Variants in PNPLA5 observed in about 807,000 individuals in gnomAD.
PNPLA5 encodes patatin like domain 5, triacylglycerol lipase, also known as patatin-like phospholipase domain-containing protein 5.
PNPLA5 carries 44 observed loss-of-function variants against 49.1 expected under a neutral mutation model. The ratio of observed to expected loss-of-function variants is 0.90; its 90% confidence interval spans 0.70 to 1.15. PNPLA5 has a LOEUF of 1.15. PNPLA5 is among the 50% of genes most tolerant of loss of function. The pLI is 0.00. For missense variants in PNPLA5, 603 were observed against 564.0 expected (o/e 1.07, Z -0.70); for synonymous variants, 243 against 244.4 (o/e 0.99, Z 0.06).
intron 8 of PNPLA5, 191 bp from the exon 9 acceptor site, chr22:43,881,076 AG>A: frequency 1.3e-6 from 1 of 785,802 alleles, no homozygotes; most frequent in African/African-American, 1.9e-5. Context: ...GCCACTCCCC[AG>A]AGAACTGCAC....
chr22:43,889,751 C>A, intron 3 of PNPLA5, 48 bp downstream of exon 3: 2 of 1,589,446 alleles, frequency 1.3e-6, no homozygotes, highest in Non-Finnish European at 1.7e-6. Context: ...CCACGGTGTG[C>A]ACCCCAGGCT....
At chr22:43,882,580 T>G (rs2049621507) in intron 7 of PNPLA5, among the ~76,000 whole-genome samples, 2 of 152,258 alleles carry the variant, frequency 1.3e-5, no homozygotes, top group South Asian at 4.1e-4. Flanking sequence ...ATATGTATTG[T>G]GAAATATGCC....
At chr22:43,887,548 C>A (rs2049678249) in intron 5 of PNPLA5, 43 bp downstream of exon 5, 41 of 1,596,374 alleles carry the variant, frequency 2.6e-5, no homozygotes, top group Non-Finnish European at 3.5e-5. Context: ...TACCTGGCAC[C>A]ATGTGGGACA....
At chr22:43,882,940 C>T (rs1473844502) in intron 7 of PNPLA5, among the ~76,000 whole-genome samples, 1 of 152,202 alleles carries the variant, frequency 6.6e-6, no homozygotes, top group East Asian at 1.9e-4. Flanking sequence ...ACTCTCCAGA[C>T]AAAGACCACG....
intron 3 of PNPLA5, 35 bp from the exon 4 acceptor site, chr22:43,889,573 C>T (rs368381492): frequency 1.3e-5 from 21 of 1,569,092 alleles, no homozygotes; most frequent in Non-Finnish European, 1.7e-5. Context: ...GTGGTGCTGC[C>T]CTCTCAGAGG....
rs201451442 is a variant in PNPLA5 at position 43,886,297 on chromosome 22, C to A, written c.949+6G>T. The A allele has an allele frequency of 7.1e-4, 1,136 of 1,609,490 alleles. 6 individuals carry two copies. Among genetic ancestry groups the A allele is most frequent in the Admixed American group, 4.2e-4 (25 of 59,746 alleles). On this transcript the variant is annotated splice_donor_region_variant and intron_variant, in intron 6 of 8. Coordinates refer to ENST00000216177, the MANE Select transcript of PNPLA5 (RefSeq NM_138814.4). The stretch of plus-strand genomic sequence containing the variant: ...GTAGGTGAGCAAATGCAGGTAGAGT[C>A]CCTACCAGCCTCCAGCTCTGGTGAG...
At chr22:43,881,704 A>C in intron 7 of PNPLA5, 30 bp from the exon 8 acceptor site, 1 of 1,608,912 alleles carries the variant, frequency 6.2e-7, no homozygotes, top group Non-Finnish European at 8.5e-7. Flanking sequence ...AGCTTTGCCC[A>C]GGTGAGCCTG....
rs1174784924 is a variant in PNPLA5 at position 43,891,677 on chromosome 22, C to T, written c.193+11G>A. 2 of 1,543,418 alleles carry T rather than the reference C, an allele frequency of 1.3e-6. No homozygotes were observed. The highest frequency in any genetic ancestry group is 2.4e-5 in the South Asian group (2 of 83,234). On this transcript the variant is annotated intron_variant, in intron 1 of 8. Coordinates refer to ENST00000216177, the MANE Select transcript of PNPLA5 (RefSeq NM_138814.4). ...CCCCGCCCCTTTTCGCCCCCGCGGT[C>T]CGGGACTCACCGACCGACTTGCCGC...
chr22:43,881,354 T>C (rs1468807321), intron 8 of PNPLA5, among the ~76,000 whole-genome samples: 1 of 152,176 alleles, frequency 6.6e-6, no homozygotes, highest in East Asian at 1.9e-4. Context: ...CCAAGGTGAC[T>C]GTCATAGAGC....
intron 7 of PNPLA5, among the ~76,000 whole-genome samples, chr22:43,883,817 AAAAAG>A (rs1222076517): frequency 8.4e-5 from 12 of 142,166 alleles, no homozygotes; most frequent in East Asian, 2.5e-4. Context: ...TCAGAAAAAA[AAAAAG>A]AAAAGAAAAG....
chr22:43,891,661 T>C (rs1247725878), intron 1 of PNPLA5, 27 bp downstream of exon 1: 2 of 1,523,806 alleles, frequency 1.3e-6, no homozygotes, highest in South Asian at 1.2e-5. Context: ...TCCCCGCCCC[T>C]TTTCGCCCCC....
At chr22:43,887,147 C>G (rs2049673591) in intron 5 of PNPLA5, among the ~76,000 whole-genome samples, 1 of 152,166 alleles carries the variant, frequency 6.6e-6, no homozygotes, top group South Asian at 2.1e-4. Flanking sequence ...TGTCCCTTCT[C>G]TCTTGTTTTT....
intron 6 of PNPLA5, 192 bp from the exon 7 acceptor site, chr22:43,884,537 T>A: frequency 2.6e-6 from 1 of 379,810 alleles, no homozygotes; most frequent in Non-Finnish European, 3.6e-6. Flanking sequence ...ACAAGGGGTG[T>A]ATGCCCTCTC....
At chr22:43,881,821 C>T (rs1316620574) in intron 7 of PNPLA5, 147 bp from the exon 8 acceptor site, 14 of 1,417,708 alleles carry the variant, frequency 9.9e-6, no homozygotes, top group African/African-American at 1.4e-5. Flanking sequence ...CAGCGTTGGC[C>T]ACTGTTGCAG....
intron 7 of PNPLA5, 81 bp downstream of exon 7, chr22:43,884,132 T>G: frequency 3.9e-6 from 4 of 1,030,032 alleles, no homozygotes; most frequent in South Asian, 1.8e-5. Flanking sequence ...ACCCACCCAG[T>G]GTGCCAGCCG....
Position 43,891,984 on chromosome 22 carries a change from T to G in PNPLA5, c.-104A>C, listed in dbSNP as rs556969262. On this transcript the variant is annotated 5_prime_UTR_variant, in exon 1 of 9. Transcript: ENST00000216177. Reference sequence around the variant, plus strand: ...GACGGGGCTGGGCCCAAATGTGGGCTCTGGAGGGAGCCGGGCTGGGGCTGG... The same window carrying G: ...GACGGGGCTGGGCCCAAATGTGGGCGCTGGAGGGAGCCGGGCTGGGGCTGG... 206 of 1,202,818 alleles carry G rather than the reference T, an allele frequency of 1.7e-4. No homozygotes were observed. Among genetic ancestry groups the G allele is most frequent in the Non-Finnish European group, 2.2e-4 (199 of 890,972 alleles). 74.5% of individuals were successfully genotyped at this position (1,202,818 alleles called of 1,614,324 possible). A position where few individuals can be genotyped will look rare whatever the true frequency, so the allele number is the denominator to read the frequency against.
intron 6 of PNPLA5, 51 bp downstream of exon 6, chr22:43,886,252 C>T (rs977359885): frequency 1.3e-6 from 2 of 1,549,944 alleles, no homozygotes; most frequent in Non-Finnish European, 1.7e-6. Flanking sequence ...TGAGCCCGGG[C>T]CCCTGAGTGC....
intron 3 of PNPLA5, 63 bp downstream of exon 3, chr22:43,889,736 C>T (rs2049703269): frequency 6.4e-7 from 1 of 1,568,976 alleles, no homozygotes; most frequent in Non-Finnish European, 8.6e-7. Context: ...CACCCAAGCA[C>T]CTCTCCACGG....
chr22:43,889,423 T>C lies in PNPLA5; in HGVS notation c.608A>G (p.Asn203Ser). 1.2e-6 allele frequency: 2 copies of C among 1,613,878 alleles called. No homozygotes were observed. Among genetic ancestry groups the C allele is most frequent in the Non-Finnish European group, 1.7e-6 (2 of 1,179,948 alleles). Residue 203 changes from asparagine to serine, a missense_variant, in exon 4 of 9, where the codon AAC (asparagine) becomes AGC (serine). Transcript: ENST00000216177. ...VDICPQSTSP[N>S]LHELNVFNFS... is the part of the protein sequence containing the mutation. The stretch of plus-strand genomic sequence containing the variant: ...GTTGAAGACGTTCAGCTCATGCAGG[T>C]TGGGGGAGGTGCTCTGGGGGCAGAT...
Sources: allele counts gnomAD v4.1 joint callset (sites outside exome capture counted in the v4.1 genomes callset), GRCh38; gene constraint gnomAD v4.1.1; transcripts MANE v1.5; gene names NCBI Gene and HGNC (gene_info 2026-07-23, HGNC 2026-07-21).